The following MRPS27 variants were observed in gnomAD, a reference collection of about 807,000 sequenced individuals.
The protein encoded by MRPS27 is small ribosomal subunit protein mS27.
In MRPS27, 43 loss-of-function variants were observed where a neutral mutation model predicts 48.9. The ratio of observed to expected loss-of-function variants is 0.88; its 90% CI spans 0.69 to 1.13. The LOEUF is 1.13. MRPS27 is among the 50% of genes most tolerant of loss of function. MRPS27 has a pLI of 0.00. For missense variants in MRPS27, 467 were observed against 476.3 expected (o/e 0.98, Z 0.18); for synonymous variants, 188 against 171.9 (o/e 1.09, Z -0.73).
At chr5:72,316,069 A>T (rs1374263250) in intron 1 of MRPS27, among the ~76,000 whole-genome samples, 3 of 152,252 alleles carry the variant, frequency 2.0e-5, no homozygotes, top group Non-Finnish European at 4.4e-5. Context: ...TACATACTAC[A>T]TGGGTGAATC....
At chr5:72,236,347 T>G (rs1045700006) in intron 5 of MRPS27, among the ~76,000 whole-genome samples, 1 of 152,038 alleles carries the variant, frequency 6.6e-6, no homozygotes, top group East Asian at 1.9e-4. Flanking sequence ...TTGAAAAAAC[T>G]AAGAGCTAGA....
intron 5 of MRPS27, among the ~76,000 whole-genome samples, chr5:72,235,742 A>G (rs918868037): frequency 6.6e-6 from 1 of 152,194 alleles, no homozygotes; most frequent in South Asian, 2.1e-4. Context: ...ATAGCCTCCA[A>G]TTGCCTGATG....
rs538301314 is a variant in MRPS27, at chr5:72,223,761, C to T, written c.927G>A (p.Gly309=). 1.4e-5 allele frequency: 23 copies of T among 1,614,002 alleles called. No individual in the cohort carries two copies. The highest frequency in any genetic ancestry group is 1.6e-4 in the Middle Eastern group (1 of 6,062). ...CTAACTGCTCCACCAGTTTTTCTGA[C>T]CCCTGGTTGTCTTCATCATTTTGGG... The part of the protein sequence containing the change: ...EQSQNDEDNQ[G]SEKLVEQLDI... The change falls in exon 10 of 11, where the codon GGG becomes GGA. Residue 309 remains glycine (G), a synonymous_variant. Transcript: ENST00000261413.
At chr5:72,284,950 T>C (rs1366714817) in intron 4 of MRPS27, among the ~76,000 whole-genome samples, 1 of 152,212 alleles carries the variant, frequency 6.6e-6, no homozygotes, top group African/African-American at 2.4e-5. Flanking sequence ...TTGGCATGAA[T>C]ATGAGTGTAT....
intron 4 of MRPS27, among the ~76,000 whole-genome samples, chr5:72,279,391 C>T (rs1185617750): frequency 6.6e-6 from 1 of 152,112 alleles, no homozygotes; most frequent in Non-Finnish European, 1.5e-5. Context: ...TGCAAATCTT[C>T]CCTGGTCTTT....
intron 4 of MRPS27, among the ~76,000 whole-genome samples, chr5:72,285,019 T>C (rs1218993057): frequency 6.6e-6 from 1 of 152,198 alleles, no homozygotes; most frequent in East Asian, 1.9e-4. Flanking sequence ...TACTTATAAT[T>C]TTGACAGATG....
At chr5:72,230,266 T>G (rs1262125844) in intron 7 of MRPS27, among the ~76,000 whole-genome samples, 2 of 152,140 alleles carry the variant, frequency 1.3e-5, no homozygotes, top group Non-Finnish European at 2.9e-5. Context: ...GCCTTCAAAG[T>G]TTTTCCATTT....
chr5:72,254,334 CATAGCCTAGCTTCCTGGTGTGTGGTGG>C (rs1748738359), intron 4 of MRPS27, among the ~76,000 whole-genome samples: 1 of 152,124 alleles, frequency 6.6e-6, no homozygotes, highest in Non-Finnish European at 1.5e-5. Context: ...TACATCATGC[CATAGCCTAGCTTCCTGGTGTGTGGTGG>C]TGTGCACACA....
intron 6 of MRPS27, among the ~76,000 whole-genome samples, chr5:72,232,953 T>C (rs1748102067): frequency 6.6e-6 from 1 of 152,158 alleles, no homozygotes; most frequent in Admixed American, 6.6e-5. Flanking sequence ...AGGCATCATG[T>C]CTACCAGCTA....
At chr5:72,269,608 T>C (rs535602724) in intron 4 of MRPS27, among the ~76,000 whole-genome samples, 172 of 152,200 alleles carry the variant, frequency 1.1e-3, no homozygotes, top group Non-Finnish European at 1.6e-3. Flanking sequence ...AATAAGAAAT[T>C]AGTAAAATAA....
chr5:72,302,486 G>A (rs961399960), intron 2 of MRPS27, among the ~76,000 whole-genome samples: 4 of 152,210 alleles, frequency 2.6e-5, no homozygotes, highest in African/African-American at 7.2e-5. Flanking sequence ...TTGCTCCTAA[G>A]CTCAAAGAAG....
rs999260423 is a variant in MRPS27, at chr5:72,220,454, G to C, written c.*455C>G. The C allele has an allele frequency of 6.4e-6, 1 of 155,462 alleles. No individual in the cohort carries two copies. The highest frequency in any genetic ancestry group is 6.4e-5 in the Admixed American group (1 of 15,636). The allele number at this position is 155,462 out of a possible 1,614,324, so 9.6% of individuals were successfully genotyped here. On this transcript the variant is annotated 3_prime_UTR_variant, in exon 11 of 11. Coordinates refer to ENST00000261413, the MANE Select transcript of MRPS27 (RefSeq NM_015084.3). ...GGAGAATTGCTTGAACCTGGGAGTC[G>C]GAGGTTGCAGTGAGCCAAGATTGCG...
intron 4 of MRPS27, among the ~76,000 whole-genome samples, chr5:72,274,286 A>G (rs1329192412): frequency 1.3e-5 from 2 of 152,198 alleles, no homozygotes; most frequent in Admixed American, 6.5e-5. Context: ...CCCAAGAGGC[A>G]GAGGTTGCAG....
chr5:72,233,180 T>C (rs991920772), intron 6 of MRPS27, among the ~76,000 whole-genome samples: 6 of 152,160 alleles, frequency 3.9e-5, no homozygotes, highest in Non-Finnish European at 8.8e-5. Flanking sequence ...CAGTTTAAAA[T>C]ACTTGTTGGA....
intron 4 of MRPS27, chr5:72,241,342 T>C: frequency 2.6e-6 from 1 of 382,284 alleles, no homozygotes; most frequent in East Asian, 4.6e-5. Context: ...GGAAAAGCAG[T>C]GAAATACTTA....
At chr5:72,255,686 T>TA (rs1429279611) in intron 4 of MRPS27, among the ~76,000 whole-genome samples, 1 of 152,250 alleles carries the variant, frequency 6.6e-6, no homozygotes, top group African/African-American at 2.4e-5. Flanking sequence ...AAGGTAAGTA[T>TA]ATTATCCACA....
At chr5:72,258,156 T>C (rs573092874) in intron 4 of MRPS27, among the ~76,000 whole-genome samples, 215 of 149,262 alleles carry the variant, frequency 1.4e-3, no homozygotes, top group African/African-American at 4.7e-3. Flanking sequence ...AGAGCATCTA[T>C]AAAGATTAAG....
intron 4 of MRPS27, among the ~76,000 whole-genome samples, chr5:72,285,614 A>G (rs1749652148): frequency 6.6e-6 from 1 of 152,190 alleles, no homozygotes; most frequent in South Asian, 2.1e-4. Flanking sequence ...CCTCCTAAGT[A>G]GTTAGGACAA....
At chr5:72,233,881 T>C (rs1748125167) in intron 6 of MRPS27, among the ~76,000 whole-genome samples, 1 of 152,196 alleles carries the variant, frequency 6.6e-6, no homozygotes, top group South Asian at 2.1e-4. Context: ...TAGATTGGCC[T>C]GTATAATTAA....
Sources: allele counts gnomAD v4.1 joint callset (sites outside exome capture counted in the v4.1 genomes callset), GRCh38; gene constraint gnomAD v4.1.1; transcripts MANE v1.5; gene names NCBI Gene and HGNC (gene_info 2026-07-23, HGNC 2026-07-21).